Variants in CREM observed in about 807,000 individuals in gnomAD.
The protein encoded by CREM is cAMP-responsive element modulator.
A neutral mutation model predicts 37.3 loss-of-function variants in CREM; 13 were observed. That is an observed-to-expected ratio of 0.35 (90% confidence interval 0.23 to 0.55). The LOEUF is 0.55. Ranked by LOEUF, CREM falls within the 20% of genes least tolerant of loss-of-function variation. CREM has a pLI of 0.88. For missense variants in CREM, 296 were observed against 362.3 expected, an observed-to-expected ratio of 0.82 and a Z score of 1.49; for synonymous variants, 124 against 120.2, an observed-to-expected ratio of 1.03 and a Z score of -0.21.
chr10:35,161,279 C>T (rs991400228), intron 3 of CREM, among the ~76,000 whole-genome samples: 5 of 151,768 alleles, frequency 3.3e-5, no homozygotes, highest in African/African-American at 9.7e-5. Flanking sequence ...GGATTACAGT[C>T]GTGCATCACC....
chr10:35,193,241 T>C (rs1381790837), intron 6 of CREM, among the ~76,000 whole-genome samples: 1 of 152,210 alleles, frequency 6.6e-6, no homozygotes, highest in Non-Finnish European at 1.5e-5. Flanking sequence ...AAGTGAACTG[T>C]TCTTCCTCTG....
intron 2 of CREM, among the ~76,000 whole-genome samples, chr10:35,147,650 A>G (rs2092275729): frequency 6.6e-6 from 1 of 152,218 alleles, no homozygotes; most frequent in Admixed American, 6.5e-5. Flanking sequence ...ACTACCTCAT[A>G]ACATAAAGCA....
chr10:35,174,491 C>G (rs1415674261), intron 3 of CREM, among the ~76,000 whole-genome samples: 2 of 152,140 alleles, frequency 1.3e-5, no homozygotes, highest in South Asian at 2.1e-4. Context: ...GTAAATAAAT[C>G]TTAGTTATTT....
At chr10:35,148,170 G>A (rs986600497) in intron 2 of CREM, among the ~76,000 whole-genome samples, 198 bp from the exon 3 acceptor site, 6 of 152,046 alleles carry the variant, frequency 3.9e-5, no homozygotes, top group Middle Eastern at 3.2e-3. Context: ...TAATGATTTT[G>A]TACAGGATAC....
At position 35,196,865 on chromosome 10, in the gene CREM, C is replaced by CTTTTTTTTTT. The variant is rs58503822; in HGVS notation, c.598+8490_598+8499dup. ...TAAAATGATGTGAAAACGCTGTGTA[C>CTTTTTTTTTT]TTTTTTTTTTTTTTTTTTTTTTGAG... On this transcript the variant is annotated intron_variant, in intron 6 of 7. Coordinates refer to ENST00000685392, the MANE Select transcript of CREM (RefSeq NM_183011.2). Among the ~76,000 whole-genome samples the CTTTTTTTTTT allele has an allele frequency of 4.2e-4, 46 of 108,934 alleles. 3 individuals carry two copies. The highest frequency in any genetic ancestry group is 7.7e-4 in the African/African-American group (22 of 28,584). 71.5% of individuals were successfully genotyped at this position (108,934 alleles called of 152,430 possible). A position where few individuals can be genotyped will look rare whatever the true frequency, so the allele number is the denominator to read the frequency against.
chr10:35,175,510 A>T (rs1165159594), intron 3 of CREM: 7 of 635,032 alleles, frequency 1.1e-5, no homozygotes, highest in Non-Finnish European at 2.0e-5. Flanking sequence ...AGGGTAGTTT[A>T]TACTCTGGCC....
rs183315622 is a variant in CREM, at chr10:35,189,333, C to T, written c.598+945C>T. On this transcript the variant is annotated intron_variant, in intron 6 of 7. Transcript: ENST00000685392. ...TTACCTGAGATTTCAACTGGATTTGCGTTATACATTATTTTAATTCAGTTG... is the reference window on the plus strand; with the variant it reads ...TTACCTGAGATTTCAACTGGATTTGTGTTATACATTATTTTAATTCAGTTG... 2.5e-3 allele frequency among the ~76,000 whole-genome samples: 385 copies of T among 151,992 alleles called. 3 individuals are homozygous for T. Among genetic ancestry groups the T allele is most frequent in the African/African-American group, 9.0e-3 (372 of 41,430 alleles).
intron 1 of CREM, among the ~76,000 whole-genome samples, chr10:35,128,660 G>A (rs1294646527): frequency 6.6e-6 from 1 of 151,626 alleles, no homozygotes; most frequent in Non-Finnish European, 1.5e-5. Context: ...TGAGTAGCTG[G>A]GACTACAGGC....
Position 35,211,584 on chromosome 10 carries a change from G to C in CREM, c.*186G>C. 1 of 1,563,060 alleles carries C rather than the reference G, an allele frequency of 6.4e-7. No homozygotes were observed. The highest frequency in any genetic ancestry group is 8.7e-7 in the Non-Finnish European group (1 of 1,152,240). Reference sequence around the variant, plus strand: ...ATGCAGCCGTGATCACACTTACCGAGCTTACTTTGATCTGTTTGTCAATAG... The same window carrying C: ...ATGCAGCCGTGATCACACTTACCGACCTTACTTTGATCTGTTTGTCAATAG... On this transcript the variant is annotated 3_prime_UTR_variant, in exon 8 of 8. Coordinates refer to ENST00000685392, the MANE Select transcript of CREM (RefSeq NM_183011.2).
intron 6 of CREM, among the ~76,000 whole-genome samples, chr10:35,201,949 GCA>G (rs2095397714): frequency 6.6e-6 from 1 of 152,100 alleles, no homozygotes; most frequent in African/African-American, 2.4e-5. Flanking sequence ...ACTTCATACA[GCA>G]CACATTAACT....
intron 3 of CREM, among the ~76,000 whole-genome samples, chr10:35,151,219 A>G (rs1481536567): frequency 6.6e-6 from 1 of 152,242 alleles, no homozygotes; most frequent in Non-Finnish European, 1.5e-5. Context: ...TTACGTTTGT[A>G]ATGCTTCTTT....
intron 3 of CREM, among the ~76,000 whole-genome samples, chr10:35,165,437 A>G (rs2093503543): frequency 6.6e-6 from 1 of 152,228 alleles, no homozygotes; most frequent in South Asian, 2.1e-4. Context: ...ATAAGCATCC[A>G]AACTGTATCA....
At chr10:35,175,663 C>T (rs981161933) in intron 3 of CREM, 3 of 1,613,848 alleles carry the variant, frequency 1.9e-6, no homozygotes, top group Non-Finnish European at 2.5e-6. Flanking sequence ...ATAAATGTCA[C>T]ATCAGAAAAT....
rs1398799191 is a variant in CREM, at chr10:35,204,957, AG to A, written c.599-1937del. Among the ~76,000 whole-genome samples, 4 of 152,366 alleles carry A rather than the reference AG, an allele frequency of 2.6e-5. No homozygotes were observed. In the East Asian group the frequency reaches 7.7e-4, roughly 29 times the overall value. On this transcript the variant is annotated intron_variant, in intron 6 of 7. Transcript: ENST00000685392. ...GGTATAATACATTTTCATGAAATAC[AG>A]AAATGCTGTGTTTTCCTCTTTTGAT... is the stretch of plus-strand genomic sequence containing the variant.
At chr10:35,131,863 C>T (rs1257089531) in intron 1 of CREM, among the ~76,000 whole-genome samples, 1 of 152,070 alleles carries the variant, frequency 6.6e-6, no homozygotes, top group African/African-American at 2.4e-5. Context: ...GAAAACAAAA[C>T]AAAACAACCT....
At chr10:35,207,730 C>T (rs1389625346) in intron 7 of CREM, among the ~76,000 whole-genome samples, 3 of 151,778 alleles carry the variant, frequency 2.0e-5, no homozygotes, top group Non-Finnish European at 2.9e-5. Flanking sequence ...GCTGAGGTCG[C>T]GCCACTGGAC....
At chr10:35,184,304 C>G (rs1489634420) in intron 5 of CREM, among the ~76,000 whole-genome samples, 1 of 152,160 alleles carries the variant, frequency 6.6e-6, no homozygotes, top group East Asian at 1.9e-4. Context: ...TTAATTTCAT[C>G]TTATTTTTTC....
At chr10:35,136,425 A>T (rs1021590983) in intron 1 of CREM, among the ~76,000 whole-genome samples, 1 of 152,178 alleles carries the variant, frequency 6.6e-6, no homozygotes. Flanking sequence ...AGATGTCCCT[A>T]CGTAAAATGC....
chr10:35,154,869 A>T (rs1207333144), intron 3 of CREM, among the ~76,000 whole-genome samples: 1 of 152,212 alleles, frequency 6.6e-6, no homozygotes, highest in African/African-American at 2.4e-5. Flanking sequence ...TAATATTAGT[A>T]ACCAACTTTT....
Sources: allele counts gnomAD v4.1 joint callset (sites outside exome capture counted in the v4.1 genomes callset), GRCh38; gene constraint gnomAD v4.1.1; transcripts MANE v1.5; gene names NCBI Gene and HGNC (gene_info 2026-07-23, HGNC 2026-07-21).